The following BTD variants were observed in gnomAD, a reference collection of about 807,000 sequenced individuals.
BTD encodes biotinidase.
In BTD, 13 loss-of-function variants were observed where a neutral mutation model predicts 17.7. That is an observed-to-expected ratio of 0.74 (90% CI 0.48 to 1.17). The LOEUF is 1.17. Ranked by LOEUF, BTD falls within the 50% of genes most tolerant of loss-of-function variation. The pLI is 0.00. For missense variants in BTD, 674 were observed against 650.4 expected, an observed-to-expected ratio of 1.04 and a Z score of -0.39; for synonymous variants, 240 against 245.2, an observed-to-expected ratio of 0.98 and a Z score of 0.20.
chr3:15,662,598 G>C (rs2065935304), intron 3 of BTD, among the ~76,000 whole-genome samples: 1 of 151,844 alleles, frequency 6.6e-6, no homozygotes, highest in South Asian at 2.1e-4. Flanking sequence ...TCCTTTTCTT[G>C]TCTTATATTG....
intron 3 of BTD, chr3:15,679,652 T>C: frequency 2.0e-6 from 2 of 990,822 alleles, no homozygotes; most frequent in Non-Finnish European, 1.5e-6. Flanking sequence ...AGGAAAAATG[T>C]AAAAGTCTCT....
intron 1 of BTD, among the ~76,000 whole-genome samples, chr3:15,616,489 G>T (rs538526405): frequency 3.3e-5 from 5 of 151,958 alleles, no homozygotes; most frequent in Non-Finnish European, 5.9e-5. Flanking sequence ...GGTGGCAGGC[G>T]CCTGTAATCC....
At chr3:15,679,315 T>C in intron 3 of BTD, 1 of 1,613,944 alleles carries the variant, frequency 6.2e-7, no homozygotes, top group Non-Finnish European at 8.5e-7. Flanking sequence ...CTTTTGAATC[T>C]GTGGCGTTCA....
chr3:15,695,987 G>GC, intron 3 of BTD: 1 of 633,200 alleles, frequency 1.6e-6, no homozygotes, highest in Non-Finnish European at 2.8e-6. Context: ...TCTTACTAAA[G>GC]CAAGTGTGAA....
At chr3:15,601,991 G>T (rs923457363) in intron 1 of BTD, 97 bp downstream of exon 1, 1 of 1,556,648 alleles carries the variant, frequency 6.4e-7, no homozygotes, top group African/African-American at 1.4e-5. Context: ...GGAGGGCTGC[G>T]CAAAGGCTGC....
At chr3:15,616,262 A>G (rs1052473801) in intron 1 of BTD, among the ~76,000 whole-genome samples, 1 of 152,188 alleles carries the variant, frequency 6.6e-6, no homozygotes, top group African/African-American at 2.4e-5. Context: ...TTGTGTTCCC[A>G]TCAGCAATGA....
chr3:15,701,564 A>C (rs545216878), intron 3 of BTD, among the ~76,000 whole-genome samples: 15 of 152,192 alleles, frequency 9.9e-5, no homozygotes, highest in African/African-American at 3.1e-4. Flanking sequence ...GAATCACTTG[A>C]ACCCAGGAGG....
intron 3 of BTD, among the ~76,000 whole-genome samples, chr3:15,699,935 C>T (rs918200834): frequency 3.9e-5 from 6 of 152,258 alleles, no homozygotes; most frequent in East Asian, 1.9e-4. Flanking sequence ...CACATGCACA[C>T]GTATGTTTAC....
chr3:15,709,769 T>C (rs2071971796), intron 3 of BTD: 1 of 1,392,156 alleles, frequency 7.2e-7, no homozygotes, highest in Non-Finnish European at 9.8e-7. Flanking sequence ...GAAAACTTAA[T>C]TGACAGTGAT....
chr3:15,709,863 T>A (rs1224023695), intron 3 of BTD: 1 of 577,186 alleles, frequency 1.7e-6, no homozygotes, highest in Admixed American at 3.6e-5. Context: ...ATGATTTACA[T>A]TCTATGAAGA....
downstream of BTD, among the ~76,000 whole-genome samples, chr3:15,715,032 G>A (rs2072837629): frequency 6.6e-6 from 1 of 151,648 alleles, no homozygotes; most frequent in African/African-American, 2.4e-5. Flanking sequence ...AATTTTGTGT[G>A]GATACATTTA....
chr3:15,610,104 A>G (rs1319402136), intron 1 of BTD, among the ~76,000 whole-genome samples: 1 of 152,218 alleles, frequency 6.6e-6, no homozygotes, highest in Non-Finnish European at 1.5e-5. Flanking sequence ...TAGTGGCTTA[A>G]AAGAACCACC....
chr3:15,720,671 ATTTTTTTCAAT>A (rs2073626057), intron 4 of BTD, among the ~76,000 whole-genome samples: 2 of 151,960 alleles, frequency 1.3e-5, no homozygotes, highest in Non-Finnish European at 2.9e-5. Context: ...AATTGTTGTG[ATTTTTTTCAAT>A]TATAGATTCT....
At chr3:15,713,578 C>T, downstream of BTD, 3 of 1,611,186 alleles carry the variant, frequency 1.9e-6, no homozygotes, top group Non-Finnish European at 2.5e-6. Flanking sequence ...CAGCTCATGG[C>T]CATACCGTGC....
Position 15,647,915 on chromosome 3 carries a change from C to A in BTD, c.*2427C>A, listed in dbSNP as rs143561363. ...TCTTAGAGAGGAAAAAACCAGGCCTCCTCACAGACTGCCAAGTCCCAGAGC... is the reference window on the plus strand; with the variant it reads ...TCTTAGAGAGGAAAAAACCAGGCCTACTCACAGACTGCCAAGTCCCAGAGC... On this transcript the variant is annotated 3_prime_UTR_variant, in exon 4 of 4. Coordinates refer to ENST00000643237, the MANE Select transcript of BTD (RefSeq NM_001370658.1). Among the ~76,000 whole-genome samples the A allele has an allele frequency of 6.6e-6, 1 of 152,170 alleles. No individual in the cohort carries two copies.
At position 15,635,605 on chromosome 3, in the gene BTD, C is replaced by CT. The variant is rs1410346204; in HGVS notation, c.167dup (p.Ile57HisfsTer15). ...CATCCTGAGTCTGAACCCTCTGGCT[C>CT]TCATCAGCCGCCAAGAGGCCTTGGA... On this transcript the variant is annotated frameshift_variant, in exon 2 of 4. Transcript: ENST00000643237. LOFTEE classifies it high-confidence loss of function. The surrounding 1 kb of genome is among the most constrained non-coding windows in gnomAD (Gnocchi z 4.1). 1 of 1,614,236 alleles carries CT rather than the reference C, an allele frequency of 6.2e-7. No individual in the cohort carries two copies. The highest frequency in any genetic ancestry group is 2.2e-5 in the East Asian group (1 of 44,882).
chr3:15,694,921 A>T, intron 3 of BTD: 2 of 992,092 alleles, frequency 2.0e-6, no homozygotes, highest in South Asian at 2.9e-5. Context: ...GCAACTCAGC[A>T]AACTTATAAA....
Position 15,650,990 on chromosome 3 carries a change from G to A in BTD, c.*5502G>A, listed in dbSNP as rs1333043650. Reference sequence around the variant, plus strand: ...TCACCATGTTAGCCAGGATGGCCTCGATCTCCTGACCTCATGATCTGCCTG... The same window carrying A: ...TCACCATGTTAGCCAGGATGGCCTCAATCTCCTGACCTCATGATCTGCCTG... On this transcript the variant is annotated 3_prime_UTR_variant, in exon 4 of 4. Coordinates refer to ENST00000643237, the MANE Select transcript of BTD (RefSeq NM_001370658.1). Among the ~76,000 whole-genome samples the A allele has an allele frequency of 6.6e-6, 1 of 152,124 alleles. No homozygotes were observed. The highest frequency in any genetic ancestry group is 1.5e-5 in the Non-Finnish European group (1 of 68,014).
chr3:15,706,817 T>G (rs1575281839), intron 3 of BTD, among the ~76,000 whole-genome samples: 1 of 152,210 alleles, frequency 6.6e-6, no homozygotes, highest in Non-Finnish European at 1.5e-5. Context: ...CTGTGGTTTT[T>G]ATTTGCATTT....
Sources: allele counts gnomAD v4.1 joint callset (sites outside exome capture counted in the v4.1 genomes callset), GRCh38; gene constraint gnomAD v4.1.1; non-coding constraint Gnocchi (gnomAD v3.1); transcripts MANE v1.5; gene names NCBI Gene and HGNC (gene_info 2026-07-23, HGNC 2026-07-21).